The following FCGR2B variants were observed in gnomAD, a reference collection of about 807,000 sequenced individuals.
FCGR2B encodes low affinity immunoglobulin gamma Fc region receptor II-b.
In FCGR2B, 18 loss-of-function variants were observed where a neutral mutation model predicts 24.8. The observed-to-expected ratio is 0.73, with a 90% CI of 0.50 to 1.08. The LOEUF is 1.08. Among genes scored for constraint, FCGR2B ranks in the 50% least tolerant of loss-of-function variants. The pLI is 0.00. For missense variants in FCGR2B, 215 were observed against 297.6 expected, an observed-to-expected ratio of 0.72 and a Z score of 2.04; for synonymous variants, 79 against 109.8, an observed-to-expected ratio of 0.72 and a Z score of 1.75.
chr1:161,662,021 G>T (rs75501102), upstream of FCGR2B, among the ~76,000 whole-genome samples: 3 of 142,204 alleles, frequency 2.1e-5, no homozygotes, highest in Non-Finnish European at 4.5e-5. Flanking sequence ...GTGTTTTGGA[G>T]ATGTTGAGGG....
chr1:161,676,174 T>TG, intron 6 of FCGR2B: 1 of 227,790 alleles, frequency 4.4e-6, no homozygotes, highest in Non-Finnish European at 8.7e-6. Context: ...GTGCTTTCTC[T>TG]GGGGGCTTCC....
intron 2 of FCGR2B, 121 bp from the exon 3 acceptor site, chr1:161,671,271 G>T (rs1279538208): frequency 1.3e-6 from 2 of 1,517,586 alleles, no homozygotes; most frequent in African/African-American, 2.8e-5. Flanking sequence ...AACCATTCTG[G>T]GCCTGGCTCG....
chr1:161,655,843 T>TTTTATTTATTTA, the FCGR2B span, among the ~76,000 whole-genome samples: 876 of 55,146 alleles, frequency 0.016, 1 homozygote, highest in African/African-American at 0.047. Context: ...TTTCCTCAAT[T>TTTTATTTATTTA]TTTATTTATT....
chr1:161,650,115 C>G, the FCGR2B span, among the ~76,000 whole-genome samples: 1 of 149,990 alleles, frequency 6.7e-6, no homozygotes, highest in South Asian at 2.1e-4. Flanking sequence ...TCAAGTGATT[C>G]TCCTGCTTCA....
At chr1:161,654,140 T>C in the FCGR2B span, among the ~76,000 whole-genome samples, 16,520 of 132,326 alleles carry the variant, frequency 0.12, 277 homozygotes, top group East Asian at 0.42. Context: ...TTTGCTGCAA[T>C]AGCCGCTGTT....
chr1:161,677,632 G>A lies in FCGR2B; in HGVS notation c.*79G>A. ...GTATTTCCTGGCCTAAATTCCCCTT[G>A]GGGAGGACAGGGAGATGCTGCAGTT... On this transcript the variant is annotated 3_prime_UTR_variant, in exon 8 of 8. Coordinates refer to ENST00000358671, the MANE Select transcript of FCGR2B (RefSeq NM_001394477.1). The A allele has an allele frequency of 8.9e-7, 1 of 1,121,050 alleles. No homozygotes were observed. The highest frequency in any genetic ancestry group is 2.0e-5 in the Admixed American group (1 of 50,338). The allele number at this position is 1,121,050 out of a possible 1,614,324, so 69.4% of individuals were successfully genotyped here.
At chr1:161,673,649 G>A in intron 4 of FCGR2B, 1 of 542,282 alleles carries the variant, frequency 1.8e-6, no homozygotes, top group East Asian at 3.3e-5. Context: ...GAGTAATGAT[G>A]CCTCCAGCTA....
At position 161,677,797 on chromosome 1, in the gene FCGR2B, C is replaced by A; in HGVS notation, c.*244C>A. The stretch of plus-strand genomic sequence containing the variant: ...TTCTTGACATCAAGGCTCTTCCGTT[C>A]CACATCCACACAGCCAATCCAATTA... On this transcript the variant is annotated 3_prime_UTR_variant, in exon 8 of 8. Coordinates refer to ENST00000358671, the MANE Select transcript of FCGR2B (RefSeq NM_001394477.1). 1 of 491,030 alleles carries A rather than the reference C, an allele frequency of 2.0e-6. No homozygotes were observed. The highest frequency in any genetic ancestry group is 3.3e-5 in the South Asian group (1 of 29,960). 30.4% of individuals were successfully genotyped at this position (491,030 alleles called of 1,614,324 possible).
At chr1:161,661,263 G>GAAGCAAGA, upstream of FCGR2B, among the ~76,000 whole-genome samples, 1 of 18,770 alleles carries the variant, frequency 5.3e-5, no homozygotes, top group African/African-American at 1.3e-4. Flanking sequence ...AGAAAGAAAG[G>GAAGCAAGA]AAGGAAGCAA....
chr1:161,647,488 A>T, the FCGR2B span, among the ~76,000 whole-genome samples: 4 of 150,196 alleles, frequency 2.7e-5, no homozygotes, highest in Non-Finnish European at 5.9e-5. Context: ...TTTAGTAGGG[A>T]CAGGGTTTTG....
chr1:161,647,361 T>G, the FCGR2B span, among the ~76,000 whole-genome samples: 47 of 146,252 alleles, frequency 3.2e-4, no homozygotes, highest in African/African-American at 1.1e-3. Context: ...AGTGCAGTAG[T>G]GTGATTTCGG....
At chr1:161,675,220 C>A (rs6427615) in intron 5 of FCGR2B, 37 bp from the exon 6 acceptor site, 186,740 of 1,531,432 alleles carry the variant, frequency 0.12, 13,015 homozygotes, top group African/African-American at 0.25. Context: ...CAGGCCCCAC[C>A]GCCTAATCCT....
the FCGR2B span, among the ~76,000 whole-genome samples, chr1:161,647,564 T>C: frequency 6.6e-6 from 1 of 150,594 alleles, no homozygotes; most frequent in South Asian, 2.1e-4. Flanking sequence ...CTCGGCCTCC[T>C]AAAGTGCTAG....
chr1:161,677,389 C>G (rs781679180), intron 7 of FCGR2B, 24 bp downstream of exon 7: 14 of 1,612,836 alleles, frequency 8.7e-6, no homozygotes, highest in Non-Finnish European at 1.2e-5. Flanking sequence ...GCCATCTCCC[C>G]CTCCCTTCTC....
chr1:161,672,643 C>A lies in FCGR2B; in HGVS notation c.392-332C>A, dbSNP rs10799895. 125 of 427,834 alleles carry A rather than the reference C, an allele frequency of 2.9e-4. 1 individual carries two copies. Among genetic ancestry groups the A allele is most frequent in the African/African-American group, 7.4e-4 (37 of 49,972 alleles). 26.5% of individuals were successfully genotyped at this position (427,834 alleles called of 1,614,324 possible). ...CTTAGGGTCTCTTGTGTTCTTCCTG[C>A]AGAGGCCTGTCGGGCAGGAAAAGGC... On this transcript the variant is annotated intron_variant, in intron 3 of 7. Transcript: ENST00000358671.
At position 161,678,043 on chromosome 1, in the gene FCGR2B, A is replaced by G; in HGVS notation, c.*490A>G. 1 of 216,628 alleles carries G rather than the reference A, an allele frequency of 4.6e-6. No individual in the cohort carries two copies. Among genetic ancestry groups the G allele is most frequent in the Non-Finnish European group, 9.3e-6 (1 of 107,578 alleles). 13.4% of individuals were successfully genotyped at this position (216,628 alleles called of 1,614,324 possible). ...TCATATATTACTTTTATAATAAAAC[A>G]TTATAAAAACAACATTCTGTTTACC... On this transcript the variant is annotated 3_prime_UTR_variant, in exon 8 of 8. Transcript: ENST00000358671.
rs201272665 is a variant in FCGR2B, at chr1:161,671,312, GC to G, written c.134-79del. ...TGGTGCCCCTAGTAGGCCTACAGGT[GC>G]TTTTTTGTCTGAGATTCAGGGCCTC... On this transcript the variant is annotated intron_variant, in intron 2 of 7. Coordinates refer to ENST00000358671, the MANE Select transcript of FCGR2B (RefSeq NM_001394477.1). 1.9e-3 allele frequency: 3,112 copies of G among 1,608,480 alleles called. 37 individuals carry two copies. In the African/African-American group the frequency reaches 0.036, roughly 19 times the overall value.
rs1373632115 is a variant in FCGR2B at position 161,677,472 on chromosome 1, C to G, written c.856-4C>G. On this transcript the variant is annotated splice_polypyrimidine_tract_variant and splice_region_variant and intron_variant, in intron 7 of 7. Coordinates refer to ENST00000358671, the MANE Select transcript of FCGR2B (RefSeq NM_001394477.1). ...TCCTTACTGCTGGTTTCTGCCTTCT[C>G]TAGGCTGAGAACACAATCACCTATT... is the stretch of plus-strand genomic sequence containing the variant. The G allele has an allele frequency of 6.2e-7, 1 of 1,613,724 alleles. No individual in the cohort carries two copies. The highest frequency in any genetic ancestry group is 1.7e-4 in the Middle Eastern group (1 of 6,060).
the FCGR2B span, among the ~76,000 whole-genome samples, chr1:161,650,884 C>A: frequency 9.4e-6 from 1 of 106,914 alleles, no homozygotes; most frequent in African/African-American, 3.5e-5. Context: ...TCTACCTCTC[C>A]TTCCCCCTCC....
Sources: gnomAD v4.1 joint callset for allele counts (sites outside exome capture counted in the v4.1 genomes callset) on GRCh38, gnomAD v4.1.1 for gene constraint, MANE v1.5 for transcripts, NCBI Gene and HGNC (gene_info 2026-07-23, HGNC 2026-07-21) for gene names.